Variants in SGCZ observed in about 807,000 individuals in gnomAD.
SGCZ encodes the protein zeta-sarcoglycan.
SGCZ carries 40 observed loss-of-function variants against 41.3 expected under a neutral mutation model. The observed-to-expected ratio is 0.97, with a 90% CI of 0.75 to 1.26. The LOEUF (loss-of-function observed/expected upper bound fraction) is 1.26. SGCZ is among the 50% of genes most tolerant of loss of function. SGCZ has a pLI of 0.00. For synonymous variants in SGCZ, 206 were observed against 137.5 expected (o/e 1.50, Z -3.49); for missense variants, 552 against 369.8 (o/e 1.49, Z -4.04).
chr8:14,421,341 T>A lies in SGCZ; in HGVS notation c.235-97137A>T, dbSNP rs1799632048. Among the ~76,000 whole-genome samples the A allele has an allele frequency of 2.6e-5, 4 of 152,100 alleles. No homozygotes were observed. The South Asian group carries it at 8.3e-4, about 31-fold the overall frequency. On this transcript the variant is annotated intron_variant, in intron 2 of 7. Coordinates refer to ENST00000382080, the MANE Select transcript of SGCZ (RefSeq NM_139167.4). ...AAACAATATGAGGCAATTTGTAACA[T>A]TTTCAAAAATTTTACTAGAAGTCCC...
chr8:14,575,899 C>T (rs541347245), intron 1 of SGCZ, among the ~76,000 whole-genome samples: 21 of 109,846 alleles, frequency 1.9e-4, no homozygotes, highest in Admixed American at 1.5e-3. Context: ...GAGTGAGACC[C>T]TGTCTCAAAA....
chr8:14,256,146 T>C (rs149985542), intron 3 of SGCZ, among the ~76,000 whole-genome samples: 181 of 152,276 alleles, frequency 1.2e-3, no homozygotes, highest in African/African-American at 4.1e-3. Flanking sequence ...GCATATGATA[T>C]ATAAAATGCT....
chr8:14,740,904 C>T (rs1799182063), intron 1 of SGCZ, among the ~76,000 whole-genome samples: 1 of 151,942 alleles, frequency 6.6e-6, no homozygotes, highest in African/African-American at 2.4e-5. Flanking sequence ...CGCCAGCACC[C>T]TTAAGATGAC....
At chr8:14,692,603 G>C (rs992674333) in intron 1 of SGCZ, among the ~76,000 whole-genome samples, 1 of 152,084 alleles carries the variant, frequency 6.6e-6, no homozygotes, top group African/African-American at 2.4e-5. Context: ...ACATAAAAAA[G>C]CAACTGCTTT....
At chr8:14,183,909 G>A (rs74785359) in intron 4 of SGCZ, among the ~76,000 whole-genome samples, 336 of 152,138 alleles carry the variant, frequency 2.2e-3, no homozygotes, top group African/African-American at 6.0e-3. Flanking sequence ...CAGATGAAAT[G>A]ACTCTCTATG....
intron 2 of SGCZ, among the ~76,000 whole-genome samples, chr8:14,548,649 G>A (rs1803705151): frequency 6.6e-6 from 1 of 151,928 alleles, no homozygotes; most frequent in African/African-American, 2.4e-5. Context: ...TCTAAGTTCT[G>A]CCGTTACTGA....
chr8:15,041,114 G>A (rs1047270502), intron 1 of SGCZ, among the ~76,000 whole-genome samples: 3 of 151,348 alleles, frequency 2.0e-5, no homozygotes, highest in South Asian at 2.1e-4. Flanking sequence ...GTAATGAGGT[G>A]GCTTCCATAA....
At chr8:15,150,843 T>C (rs1254683649) in intron 1 of SGCZ, among the ~76,000 whole-genome samples, 2 of 152,248 alleles carry the variant, frequency 1.3e-5, no homozygotes, top group East Asian at 3.8e-4. Context: ...TCTTTACTAT[T>C]TGCAGCTGAC....
intron 2 of SGCZ, among the ~76,000 whole-genome samples, chr8:14,496,585 G>C (rs902228797): frequency 6.6e-6 from 1 of 152,094 alleles, no homozygotes; most frequent in African/African-American, 2.4e-5. Flanking sequence ...AGCTCATTAA[G>C]TTTGATTTTG....
At chr8:14,636,000 G>A (rs1266151567) in intron 1 of SGCZ, among the ~76,000 whole-genome samples, 1 of 151,892 alleles carries the variant, frequency 6.6e-6, no homozygotes, top group Non-Finnish European at 1.5e-5. Flanking sequence ...TTAATCAAAA[G>A]AGGCTTGCAA....
At chr8:14,478,722 A>G (rs538937997) in intron 2 of SGCZ, among the ~76,000 whole-genome samples, 2 of 152,302 alleles carry the variant, frequency 1.3e-5, no homozygotes, top group East Asian at 3.9e-4. Flanking sequence ...TCGTGTCTTT[A>G]TATTTCCCCC....
chr8:14,562,948 TG>T (rs983575600), intron 1 of SGCZ, among the ~76,000 whole-genome samples: 5 of 152,228 alleles, frequency 3.3e-5, no homozygotes, highest in African/African-American at 9.6e-5. Flanking sequence ...CCCAGTCAAC[TG>T]GGCTACCCAA....
At chr8:14,527,638 CTATT>C (rs1451071492) in intron 2 of SGCZ, among the ~76,000 whole-genome samples, 4 of 152,048 alleles carry the variant, frequency 2.6e-5, no homozygotes, top group African/African-American at 9.7e-5. Context: ...GTACACATGA[CTATT>C]TAAGCTTAAA....
At chr8:14,208,288 CTG>C (rs1416178240) in intron 4 of SGCZ, among the ~76,000 whole-genome samples, 1 of 152,116 alleles carries the variant, frequency 6.6e-6, no homozygotes, top group Non-Finnish European at 1.5e-5. Flanking sequence ...ACATCTGAAA[CTG>C]TGTTTATCAG....
At chr8:14,573,690 A>C (rs1466143372) in intron 1 of SGCZ, among the ~76,000 whole-genome samples, 3 of 152,168 alleles carry the variant, frequency 2.0e-5, no homozygotes, top group Non-Finnish European at 4.4e-5. Context: ...TCAGTGTAAA[A>C]AATTCTTTTA....
At chr8:14,782,979 T>C (rs186744919) in intron 1 of SGCZ, among the ~76,000 whole-genome samples, 1 of 152,314 alleles carries the variant, frequency 6.6e-6, no homozygotes, top group Admixed American at 6.5e-5. Flanking sequence ...ATGGATATTA[T>C]AAACTTAAAT....
intron 7 of SGCZ, among the ~76,000 whole-genome samples, chr8:14,097,022 A>G (rs1407253369): frequency 6.6e-6 from 1 of 151,482 alleles, no homozygotes; most frequent in East Asian, 1.9e-4. Context: ...CTAGCGGTCT[A>G]TTTTGTTGAT....
intron 2 of SGCZ, among the ~76,000 whole-genome samples, chr8:14,379,534 A>C (rs1192084115): frequency 1.3e-5 from 2 of 152,186 alleles, no homozygotes; most frequent in African/African-American, 4.8e-5. Flanking sequence ...TATCATGAAG[A>C]CATTAAATTT....
In SGCZ at chr8:15,237,987, C is replaced by T. The variant is rs113119064; in HGVS notation, c.-364G>A. 361 of 186,058 alleles carry T rather than the reference C, an allele frequency of 1.9e-3. 2 individuals are homozygous for T. The highest frequency in any genetic ancestry group is 7.3e-3 in the African/African-American group (311 of 42,608). The allele number at this position is 186,058 out of a possible 1,614,324, so 11.5% of individuals were successfully genotyped here. On this transcript the variant is annotated 5_prime_UTR_variant, in exon 1 of 8. Transcript: ENST00000382080. ...TTAGAACCCAGCGAATTGCTGCATC[C>T]CGAGAAAAAAAGCTGCTTCCCTGGT...
Sources: allele counts gnomAD v4.1 joint callset (sites outside exome capture counted in the v4.1 genomes callset), GRCh38; gene constraint gnomAD v4.1.1; transcripts MANE v1.5; gene names NCBI Gene and HGNC (gene_info 2026-07-23, HGNC 2026-07-21).